Variants in VPS4B observed in about 807,000 individuals in gnomAD.
VPS4B encodes the protein vacuolar protein sorting-associated protein 4B.
In VPS4B, 23 loss-of-function variants were observed where a neutral mutation model predicts 56.1. The observed-to-expected ratio is 0.41, with a 90% CI of 0.30 to 0.58. The LOEUF is 0.58. Ranked by LOEUF, VPS4B falls within the 20% of genes least tolerant of loss-of-function variation. The pLI is 0.29. For missense variants in VPS4B, 372 were observed against 531.9 expected (o/e 0.70, Z 2.96); for synonymous variants, 177 against 186.0 (o/e 0.95, Z 0.39).
chr18:63,399,157 A>C, intron 8 of VPS4B, 85 bp downstream of exon 8: 1 of 1,275,116 alleles, frequency 7.8e-7, no homozygotes, highest in Non-Finnish European at 1.1e-6. Flanking sequence ...AGTTGTTAGA[A>C]TGCTTCCTGA....
intron 1 of VPS4B, among the ~76,000 whole-genome samples, chr18:63,412,865 G>C (rs1043205008): frequency 6.6e-6 from 1 of 151,834 alleles, no homozygotes; most frequent in African/African-American, 2.4e-5. Flanking sequence ...TAGGATCTGG[G>C]GATGCGCAGA....
In VPS4B at chr18:63,390,176, TG is replaced by T. The variant is rs1282046855; in HGVS notation, c.*798del. 1 of 152,224 alleles carries T rather than the reference TG, an allele frequency of 6.6e-6. No individual in the cohort carries two copies. Among genetic ancestry groups the T allele is most frequent in the African/African-American group, 2.4e-5 (1 of 41,416 alleles). The allele number at this position is 152,224 out of a possible 1,614,324, so 9.4% of individuals were successfully genotyped here. On this transcript the variant is annotated 3_prime_UTR_variant, in exon 11 of 11. Transcript: ENST00000238497. ...GCAACCTCTGCCTCCCAGGTTCAAGTGATTCTCCCGCCTCAGCCTCCTGAGT... is the reference window on the plus strand; with the variant it reads ...GCAACCTCTGCCTCCCAGGTTCAAGTATTCTCCCGCCTCAGCCTCCTGAGT...
At chr18:63,399,709 T>C (rs1021158551) in intron 7 of VPS4B, among the ~76,000 whole-genome samples, 2 of 152,298 alleles carry the variant, frequency 1.3e-5, no homozygotes, top group East Asian at 1.9e-4. Context: ...ATAATTACAA[T>C]TGAGTAAAAA....
At chr18:63,413,538 CAAAAA>C (rs11363766) in intron 1 of VPS4B, among the ~76,000 whole-genome samples, 2 of 81,746 alleles carry the variant, frequency 2.4e-5, no homozygotes, top group African/African-American at 7.5e-5. Flanking sequence ...GACTCCACCT[CAAAAA>C]AAAAAAAAAA....
At chr18:63,422,167 C>G (rs567724141) in intron 1 of VPS4B, 66 bp downstream of exon 1, 3 of 1,420,266 alleles carry the variant, frequency 2.1e-6, no homozygotes, top group East Asian at 5.9e-5. Context: ...TCCCCGCCCC[C>G]CACCCGCTTC....
chr18:63,399,381 C>T (rs1915760459), intron 7 of VPS4B, 58 bp from the exon 8 acceptor site: 2 of 1,447,620 alleles, frequency 1.4e-6, no homozygotes, highest in South Asian at 2.3e-5. Context: ...CTTTAAACTT[C>T]TTCCATATAT....
At chr18:63,409,371 C>T (rs1244757146) in intron 3 of VPS4B, among the ~76,000 whole-genome samples, 1 of 152,208 alleles carries the variant, frequency 6.6e-6, no homozygotes, top group African/African-American at 2.4e-5. Flanking sequence ...CTTGTGACCA[C>T]AGGGTATTGT....
rs1264129728 is a variant in VPS4B, at chr18:63,411,494, C to G, written c.112G>C (p.Val38Leu). 6.3e-7 allele frequency: 1 copy of G among 1,594,314 alleles called. No individual in the cohort carries two copies. Among genetic ancestry groups the G allele is most frequent in the South Asian group, 1.1e-5 (1 of 87,492 alleles). The stretch of plus-strand genomic sequence containing the variant: ...TTAACGACATGAAGAAAATACTGCA[C>G]AGCATGCTGATAGAGCTGAAGGGCT... ...EEALQLYQHAVQYFLHVVKYE... is the reference protein window; with the variant it reads ...EEALQLYQHALQYFLHVVKYE... The change falls in exon 2 of 11, where the codon GTG becomes CTG. Residue 38 changes from valine (V) to leucine (L), a missense_variant. Around this residue, in one of 3 missense-constraint regions of VPS4B, gnomAD observed 153 missense variants for 190.3 expected, o/e 0.80. Coordinates refer to ENST00000238497, the MANE Select transcript of VPS4B (RefSeq NM_004869.4).
intron 1 of VPS4B, among the ~76,000 whole-genome samples, chr18:63,419,657 T>C (rs1916251008): frequency 1.3e-5 from 2 of 152,342 alleles, no homozygotes; most frequent in African/African-American, 2.4e-5. Context: ...TCAACCTTCT[T>C]GTGATTATGT....
intron 10 of VPS4B, among the ~76,000 whole-genome samples, chr18:63,392,528 AAC>A (rs770493246): frequency 6.6e-6 from 1 of 151,768 alleles, no homozygotes; most frequent in Non-Finnish European, 1.5e-5. Context: ...GGCTCACTGC[AAC>A]CTCCGCCTCC....
At chr18:63,405,425 T>G (rs1244429076) in intron 4 of VPS4B, among the ~76,000 whole-genome samples, 1 of 151,070 alleles carries the variant, frequency 6.6e-6, no homozygotes, top group Non-Finnish European at 1.5e-5. Context: ...CAAGGAAAAA[T>G]TCAAAAAAGA....
chr18:63,397,048 T>C lies in VPS4B; in HGVS notation c.1078A>G (p.Thr360Ala). 1 of 1,612,826 alleles carries C rather than the reference T, an allele frequency of 6.2e-7. No individual in the cohort carries two copies. The highest frequency in any genetic ancestry group is 8.5e-7 in the Non-Finnish European group (1 of 1,179,742). Residue 360 changes from threonine to alanine, a missense_variant, in exon 9 of 11, where the codon ACT (threonine) becomes GCT (alanine). Thr to Ala is a moderately conservative substitution (Grantham distance 58). Transcript: ENST00000238497. The part of the protein sequence containing the change: ...MQPVRKVQSA[T>A]HFKKVRGPSR... ...AAATGACTTACCTTTTTAAAATGAGTAGCTGACTGTACTTTCCTAACAGGC... is the reference window on the plus strand; with the variant it reads ...AAATGACTTACCTTTTTAAAATGAGCAGCTGACTGTACTTTCCTAACAGGC...
intron 9 of VPS4B, chr18:63,396,196 A>G (rs1915664790): frequency 1.3e-5 from 2 of 152,252 alleles, no homozygotes; most frequent in African/African-American, 4.8e-5. Context: ...AAAATAATAC[A>G]CAAATACTTC....
At chr18:63,419,999 T>C (rs2144443291) in intron 1 of VPS4B, among the ~76,000 whole-genome samples, 4 of 152,230 alleles carry the variant, frequency 2.6e-5, no homozygotes, top group Admixed American at 2.6e-4. Context: ...GGTTAGAAGG[T>C]TGAAAAGGTT....
In VPS4B at chr18:63,410,531, C is replaced by A. The variant is rs1288687605; in HGVS notation, c.140-85G>T. On this transcript the variant is annotated intron_variant, in intron 2 of 10. Transcript: ENST00000238497. ...ACTCTTAAATATGTATTTTTTCAGA[C>A]AAGGAAATTCTATGTTGGAAGAAGG... is the stretch of plus-strand genomic sequence containing the variant. 2.7e-6 allele frequency: 4 copies of A among 1,501,906 alleles called. 1 individual carries two copies. Among genetic ancestry groups the A allele is most frequent in the African/African-American group, 2.8e-5 (2 of 70,998 alleles). The allele number at this position is 1,501,906 out of a possible 1,614,324, so 93.0% of individuals were successfully genotyped here. A position where few individuals can be genotyped will look rare whatever the true frequency, so the allele number is the denominator to read the frequency against.
At chr18:63,407,086 G>A (rs990792709) in intron 4 of VPS4B, among the ~76,000 whole-genome samples, 1 of 152,222 alleles carries the variant, frequency 6.6e-6, no homozygotes, top group African/African-American at 2.4e-5. Flanking sequence ...TTCTCCCACA[G>A]TAGTAAATTT....
In VPS4B at chr18:63,411,461, C is replaced by A. The variant is rs1916043269; in HGVS notation, c.139+6G>T. On this transcript the variant is annotated splice_donor_region_variant and intron_variant, in intron 2 of 10. Coordinates refer to ENST00000238497, the MANE Select transcript of VPS4B (RefSeq NM_004869.4). The stretch of plus-strand genomic sequence containing the variant: ...TTTTTAAATAAAATATAACCTATGG[C>A]CTCACATTTAACGACATGAAGAAAA... The A allele has an allele frequency of 3.3e-6, 5 of 1,511,862 alleles. No homozygotes were observed. The highest frequency in any genetic ancestry group is 1.3e-5 in the South Asian group (1 of 75,460). 93.7% of individuals were successfully genotyped at this position (1,511,862 alleles called of 1,614,324 possible).
At chr18:63,420,189 T>C (rs933343420) in intron 1 of VPS4B, among the ~76,000 whole-genome samples, 1 of 152,212 alleles carries the variant, frequency 6.6e-6, no homozygotes, top group Non-Finnish European at 1.5e-5. Flanking sequence ...GGCTCACACC[T>C]GTAACCCAGC....
In VPS4B at chr18:63,397,174, G is replaced by C; in HGVS notation, c.952C>G (p.Gln318Glu). Residue 318 changes from glutamine (Q) to glutamate (E), a missense_variant, in exon 9 of 11, where the codon CAG becomes GAG. This residue lies in a region of VPS4B where 153 missense variants were observed against 190.9 expected (regional missense o/e 0.80). Coordinates refer to ENST00000238497, the MANE Select transcript of VPS4B (RefSeq NM_004869.4). The stretch of plus-strand genomic sequence containing the variant: ...AAGTCTGCTTCCGTGAGACTGTTCT[G>C]AGTGGTCCCTAGGTGCAGTTTAAAC... The part of the protein sequence containing the change: ...AMFKLHLGTT[Q>E]NSLTEADFRE... 1 of 1,614,162 alleles carries C rather than the reference G, an allele frequency of 6.2e-7. No homozygotes were observed. The highest frequency in any genetic ancestry group is 8.5e-7 in the Non-Finnish European group (1 of 1,180,042).
Sources: allele counts gnomAD v4.1 joint callset (sites outside exome capture counted in the v4.1 genomes callset), GRCh38; gene constraint gnomAD v4.1.1; regional missense constraint gnomAD v4.1.1; transcripts MANE v1.5; gene names NCBI Gene and HGNC (gene_info 2026-07-23, HGNC 2026-07-21).